The following CHD6 variants were observed in gnomAD, a reference collection of about 807,000 sequenced individuals.
CHD6 encodes ATP-dependent chromatin remodeler CHD6.
Under a neutral mutation model 276.9 loss-of-function variants are expected in CHD6, and 50 were observed. The observed-to-expected ratio is 0.18, with a 90% CI of 0.14 to 0.23. The LOEUF (loss-of-function observed/expected upper bound fraction) is 0.23. CHD6 is among the 10% of genes least tolerant of loss of function. The pLI is 1.00. For missense variants in CHD6, 2,564 were observed against 3,365.8 expected (o/e 0.76, Z 5.89); for synonymous variants, 1,173 against 1,229.3 (o/e 0.95, Z 0.96).
chr20:41,482,085 G>T (rs1263062568), intron 16 of CHD6, among the ~76,000 whole-genome samples: 1 of 151,990 alleles, frequency 6.6e-6, no homozygotes, highest in Non-Finnish European at 1.5e-5. Context: ...GCATAAAAGA[G>T]AGCTAAATAA....
chr20:41,595,704 G>A (rs2045710035), intron 1 of CHD6, among the ~76,000 whole-genome samples: 1 of 151,916 alleles, frequency 6.6e-6, no homozygotes, highest in Non-Finnish European at 1.5e-5. Context: ...ATACTGTAAG[G>A]GTAATGAAAG....
chr20:41,597,273 C>A (rs893494786), intron 1 of CHD6, among the ~76,000 whole-genome samples: 5 of 152,040 alleles, frequency 3.3e-5, no homozygotes, highest in Admixed American at 3.3e-4. Context: ...GGACGTAAAT[C>A]CGAACTGCTC....
intron 26 of CHD6, among the ~76,000 whole-genome samples, chr20:41,438,426 C>T (rs975453061): frequency 1.3e-5 from 2 of 151,958 alleles, no homozygotes; most frequent in African/African-American, 4.8e-5. Flanking sequence ...CCCGTCTCTA[C>T]TAAAAATACA....
At chr20:41,550,574 T>C (rs895387252) in intron 2 of CHD6, among the ~76,000 whole-genome samples, 1 of 152,168 alleles carries the variant, frequency 6.6e-6, no homozygotes, top group African/African-American at 2.4e-5. Flanking sequence ...CCCAACCTCT[T>C]TGTTACAGAG....
At chr20:41,578,575 G>A (rs941826881) in intron 1 of CHD6, among the ~76,000 whole-genome samples, 3 of 151,730 alleles carry the variant, frequency 2.0e-5, no homozygotes, top group African/African-American at 7.3e-5. Context: ...AGCTACTCGG[G>A]AGGCTGAGGT....
intron 4 of CHD6, 86 bp from the exon 5 acceptor site, chr20:41,513,081 C>T: frequency 2.1e-6 from 3 of 1,431,116 alleles, no homozygotes; most frequent in Non-Finnish European, 2.9e-6. Context: ...CATTTACTAA[C>T]ATGCCAAGGA....
At chr20:41,576,251 G>A (rs887806311) in intron 1 of CHD6, among the ~76,000 whole-genome samples, 1 of 152,118 alleles carries the variant, frequency 6.6e-6, no homozygotes, top group Non-Finnish European at 1.5e-5. Context: ...ATAATATACA[G>A]CATCAATATT....
At chr20:41,523,541 A>G (rs181104934) in intron 3 of CHD6, among the ~76,000 whole-genome samples, 34 of 152,332 alleles carry the variant, frequency 2.2e-4, no homozygotes, top group African/African-American at 7.9e-4. Flanking sequence ...ATTAGTTATA[A>G]CCATCAAAGC....
rs575097960 is a variant in CHD6, at chr20:41,549,806, T to C, written c.33+1499A>G. Among the ~76,000 whole-genome samples, 3 of 152,264 alleles carry C rather than the reference T, an allele frequency of 2.0e-5. No individual in the cohort carries two copies. The East Asian group carries it at 5.8e-4, about 29-fold the overall frequency. On this transcript the variant is annotated intron_variant, in intron 2 of 36. Coordinates refer to ENST00000373233, the MANE Select transcript of CHD6 (RefSeq NM_032221.5). Reference sequence around the variant, plus strand: ...TTTGAGGGTCTGGGGTTCTCTTCAGTAATGTATTCTTTGAGATGGAATCTT... The same window carrying C: ...TTTGAGGGTCTGGGGTTCTCTTCAGCAATGTATTCTTTGAGATGGAATCTT...
chr20:41,405,626 C>T (rs1384163685), intron 36 of CHD6, 137 bp from the exon 37 acceptor site: 11 of 631,154 alleles, frequency 1.7e-5, no homozygotes, highest in East Asian at 5.5e-5. Flanking sequence ...GAGCACCTCC[C>T]GCCTACTTGT....
At chr20:41,429,400 C>G (rs1459976035) in intron 27 of CHD6, among the ~76,000 whole-genome samples, 1 of 152,120 alleles carries the variant, frequency 6.6e-6, no homozygotes, top group Non-Finnish European at 1.5e-5. Context: ...GGTATTAAAA[C>G]AGAGGGTGGG....
At chr20:41,591,369 T>C (rs1244022935) in intron 1 of CHD6, among the ~76,000 whole-genome samples, 3 of 122,286 alleles carry the variant, frequency 2.5e-5, no homozygotes, top group African/African-American at 7.6e-5. Context: ...ATTTTACATA[T>C]ATATATATAT....
intron 3 of CHD6, among the ~76,000 whole-genome samples, chr20:41,532,539 A>C (rs992720004): frequency 3.3e-5 from 5 of 152,222 alleles, no homozygotes; most frequent in African/African-American, 1.2e-4. Context: ...CACCCTGTGC[A>C]TGTTAACATT....
intron 23 of CHD6, among the ~76,000 whole-genome samples, chr20:41,449,556 G>C (rs8126021): frequency 0.043 from 6,485 of 152,238 alleles, 480 homozygotes; most frequent in African/African-American, 0.15. Flanking sequence ...ATTCCTTATA[G>C]CCAGCCCCCT....
At chr20:41,465,031 T>C (rs2042889423) in intron 17 of CHD6, among the ~76,000 whole-genome samples, 1 of 152,132 alleles carries the variant, frequency 6.6e-6, no homozygotes, top group South Asian at 2.1e-4. Context: ...AAAGGACAAC[T>C]TCGTTATAAT....
At chr20:41,558,970 GCT>G (rs2045271074) in intron 1 of CHD6, among the ~76,000 whole-genome samples, 1 of 152,090 alleles carries the variant, frequency 6.6e-6, no homozygotes, top group East Asian at 1.9e-4. Context: ...CTTGGAAAAA[GCT>G]ACACCTTTCA....
chr20:41,511,002 C>T (rs2044103672), intron 5 of CHD6, among the ~76,000 whole-genome samples: 2 of 152,138 alleles, frequency 1.3e-5, no homozygotes, highest in South Asian at 2.1e-4. Flanking sequence ...CTGTTATATG[C>T]TAGTCACTGA....
At chr20:41,615,899 C>A (rs1272299450) in intron 1 of CHD6, among the ~76,000 whole-genome samples, 1 of 152,238 alleles carries the variant, frequency 6.6e-6, no homozygotes, top group East Asian at 1.9e-4. Context: ...CAAAACATTT[C>A]TTCAAAACTT....
At chr20:41,583,822 T>C (rs1176313474) in intron 1 of CHD6, among the ~76,000 whole-genome samples, 1 of 152,150 alleles carries the variant, frequency 6.6e-6, no homozygotes, top group Non-Finnish European at 1.5e-5. Context: ...TATGGGAAGG[T>C]AGGTTGTGAT....
Sources: allele counts gnomAD v4.1 joint callset (sites outside exome capture counted in the v4.1 genomes callset), GRCh38; gene constraint gnomAD v4.1.1; transcripts MANE v1.5; gene names NCBI Gene and HGNC (gene_info 2026-07-23, HGNC 2026-07-21).